MYBPC1: variants seen among roughly 807,000 people sequenced by gnomAD.
MYBPC1 encodes myosin-binding protein C, slow-type.
MYBPC1 carries 52 observed loss-of-function variants against 147.1 expected under a neutral mutation model. That is an observed-to-expected ratio of 0.35 (90% CI 0.28 to 0.45). The LOEUF (loss-of-function observed/expected upper bound fraction) is 0.45, where lower values mean the gene tolerates loss of function less well. MYBPC1 is among the 20% of genes least tolerant of loss of function. The pLI, the probability that MYBPC1 is intolerant of heterozygous loss-of-function variation, is 1.00. For synonymous variants in MYBPC1, 477 were observed against 475.9 expected, an observed-to-expected ratio of 1.00 and a Z score of -0.03; for missense variants, 1,228 against 1,440.3, an observed-to-expected ratio of 0.85 and a Z score of 2.39.
chr12:101,680,829 C>A (rs1350344453), intron 29 of MYBPC1, among the ~76,000 whole-genome samples: 1 of 152,110 alleles, frequency 6.6e-6, no homozygotes, highest in Non-Finnish European at 1.5e-5. Context: ...GTGTGTACAG[C>A]ATGGTAAGAA....
intron 31 of MYBPC1, 138 bp from the exon 32 acceptor site, chr12:101,685,444 G>A: frequency 1.5e-6 from 1 of 666,342 alleles, no homozygotes. Context: ...GATTTTCCAA[G>A]TAGAGACTGA....
chr12:101,678,050 T>A lies in MYBPC1; in HGVS notation c.3110-52T>A, dbSNP rs370302106. The A allele has an allele frequency of 2.2e-5, 35 of 1,582,680 alleles. No homozygotes were observed. The African/African-American group carries it at 4.6e-4, about 21-fold the overall frequency. ...TGTAAAGTATGCCACCAATAATATA[T>A]TCTCAGGCCAATTTACATAATTTTA... is the stretch of plus-strand genomic sequence containing the variant. On this transcript the variant is annotated intron_variant, in intron 27 of 31. Transcript: ENST00000361466.
chr12:101,595,661 A>G (rs1224847467), intron 1 of MYBPC1, among the ~76,000 whole-genome samples: 2 of 152,090 alleles, frequency 1.3e-5, no homozygotes, highest in East Asian at 3.8e-4. Flanking sequence ...TCTTGCATGG[A>G]AAGAAAACCA....
chr12:101,634,483 C>A, intron 8 of MYBPC1, 71 bp from the exon 9 acceptor site: 3 of 1,228,134 alleles, frequency 2.4e-6, no homozygotes, highest in Non-Finnish European at 3.6e-6. Flanking sequence ...ATCCCCACAG[C>A]CTATAAAGGA....
chr12:101,671,310 TACACAC>T (rs5800480), intron 24 of MYBPC1, among the ~76,000 whole-genome samples: 7,175 of 105,392 alleles, frequency 0.068, 336 homozygotes, highest in African/African-American at 0.13. Flanking sequence ...GACACTCATA[TACACAC>T]ACACACACAC....
the MYBPC1 span, among the ~76,000 whole-genome samples, chr12:101,693,906 A>G: frequency 6.6e-6 from 1 of 152,200 alleles, no homozygotes; most frequent in Non-Finnish European, 1.5e-5. Flanking sequence ...ACCTTTGATC[A>G]TGGCCTTCAG....
intron 6 of MYBPC1, among the ~76,000 whole-genome samples, chr12:101,629,925 A>T (rs1889537840): frequency 6.6e-6 from 1 of 152,186 alleles, no homozygotes; most frequent in African/African-American, 2.4e-5. Flanking sequence ...AACCATTTTA[A>T]AGTGAACAAT....
At chr12:101,630,182 T>C (rs1390432438) in intron 6 of MYBPC1, among the ~76,000 whole-genome samples, 1 of 152,232 alleles carries the variant, frequency 6.6e-6, no homozygotes, top group African/African-American at 2.4e-5. Context: ...CTTAGCATAA[T>C]GTTTCCAAAG....
rs113052610 is a variant in MYBPC1, at chr12:101,617,199, C to T, written c.62-3C>T. The T allele has an allele frequency of 6.2e-7, 1 of 1,613,558 alleles. No homozygotes were observed. The highest frequency in any genetic ancestry group is 1.3e-5 in the African/African-American group (1 of 74,862). On this transcript the variant is annotated splice_region_variant and splice_polypyrimidine_tract_variant and intron_variant, in intron 2 of 31. Transcript: ENST00000361466. Reference sequence around the variant, plus strand: ...AAAAAATATGCTTGTACTTTCTACACAGAACCAAGTAAAGAGAAGGAGGCC... The same window carrying T: ...AAAAAATATGCTTGTACTTTCTACATAGAACCAAGTAAAGAGAAGGAGGCC...
rs1347987380 is a variant in MYBPC1, at chr12:101,632,116, T to C, written c.534T>C (p.Cys178=). 6.2e-7 allele frequency: 1 copy of C among 1,612,840 alleles called. No individual in the cohort carries two copies. The highest frequency in any genetic ancestry group is 1.3e-5 in the African/African-American group (1 of 75,022). Residue 178 remains cysteine, a synonymous_variant, in exon 8 of 32, where the codon TGT becomes TGC. Coordinates refer to ENST00000361466, the MANE Select transcript of MYBPC1 (RefSeq NM_002465.4). The part of the protein sequence containing the change: ...EVTYKDKFDS[C]SFDLEVHEST... ...CCTATAAGGATAAGTTTGACAGCTGTTCATTTGATCTTGAAGTGCACGGTA... is the reference window on the plus strand; with the variant it reads ...CCTATAAGGATAAGTTTGACAGCTGCTCATTTGATCTTGAAGTGCACGGTA...
At chr12:101,683,901 A>T (rs1951186773) in intron 30 of MYBPC1, among the ~76,000 whole-genome samples, 1 of 152,214 alleles carries the variant, frequency 6.6e-6, no homozygotes, top group Non-Finnish European at 1.5e-5. Flanking sequence ...CATGCAGAAT[A>T]CAATATTATA....
chr12:101,667,448 C>CTAT (rs1213168782), intron 22 of MYBPC1, among the ~76,000 whole-genome samples: 3 of 152,202 alleles, frequency 2.0e-5, no homozygotes, highest in Non-Finnish European at 4.4e-5. Flanking sequence ...TGGACAGTTA[C>CTAT]TATTATTCAG....
intron 29 of MYBPC1, among the ~76,000 whole-genome samples, chr12:101,680,811 A>G (rs2136884358): frequency 6.6e-6 from 1 of 152,288 alleles, no homozygotes; most frequent in East Asian, 1.9e-4. Flanking sequence ...TTTCAGTGGA[A>G]TGTTAGTGTG....
chr12:101,631,660 C>G lies in MYBPC1; in HGVS notation c.379C>G (p.Leu127Val). 1 of 1,614,194 alleles carries G rather than the reference C, an allele frequency of 6.2e-7. No homozygotes were observed. The highest frequency in any genetic ancestry group is 8.5e-7 in the Non-Finnish European group (1 of 1,180,050). ...IKWFKGKWMD[L>V]ASKAGKHLQL... ...ATGGTTCAAAGGAAAATGGATGGAC[C>G]TGGCCAGCAAAGCCGGGAAGCACCT... The change falls in exon 7 of 32, where the codon CTG (leucine) becomes GTG (valine). Residue 127 changes from leucine to valine, a missense_variant. Physicochemically the swap from Leu to Val is conservative, Grantham distance 32 (BLOSUM62 1). Transcript: ENST00000361466.
chr12:101,690,941 T>C (rs577387202), downstream of MYBPC1, among the ~76,000 whole-genome samples: 8 of 152,326 alleles, frequency 5.3e-5, no homozygotes, highest in African/African-American at 1.9e-4. Context: ...GCAAGTATTA[T>C]ACCATAAAAC....
intron 15 of MYBPC1, 118 bp downstream of exon 15, chr12:101,649,544 A>G (rs1893958564): frequency 2.5e-6 from 3 of 1,208,328 alleles, no homozygotes; most frequent in Non-Finnish European, 2.4e-6. Context: ...AGTATGTAAA[A>G]TGGATTTCAT....
In MYBPC1 at chr12:101,636,985, A is replaced by G. The variant is rs1365436432; in HGVS notation, c.665+257A>G. On this transcript the variant is annotated intron_variant, in intron 10 of 31. Transcript: ENST00000361466. ...TTCACCTATTTTTTTTTAAATGGGGACGAAGAGATATGAAAACTGAGACAT... is the reference window on the plus strand; with the variant it reads ...TTCACCTATTTTTTTTTAAATGGGGGCGAAGAGATATGAAAACTGAGACAT... 1.5e-5 allele frequency: 3 copies of G among 196,670 alleles called. No individual in the cohort carries two copies. The African/African-American group carries it at 3.0e-4, about 20-fold the overall frequency. 12.2% of individuals were successfully genotyped at this position (196,670 alleles called of 1,614,324 possible).
intron 28 of MYBPC1, among the ~76,000 whole-genome samples, chr12:101,678,910 C>T (rs560146259): frequency 5.3e-5 from 8 of 152,170 alleles, no homozygotes; most frequent in African/African-American, 1.9e-4. Context: ...GCCTGTAATC[C>T]GAACACTTTG....
At position 101,617,123 on chromosome 12, in the gene MYBPC1, C is replaced by A; in HGVS notation, c.62-79C>A. ...TCTGCTGTCATTTATTTCTTCCCTC[C>A]CCCTCTCCACCCCGTTGCTCATCAC... On this transcript the variant is annotated intron_variant, in intron 2 of 31. Transcript: ENST00000361466. 7 of 1,326,696 alleles carry A rather than the reference C, an allele frequency of 5.3e-6. No homozygotes were observed. In the South Asian group the frequency reaches 6.0e-5, roughly 11 times the overall value. 82.2% of individuals were successfully genotyped at this position (1,326,696 alleles called of 1,614,324 possible). A position where few individuals can be genotyped will look rare whatever the true frequency, so the allele number is the denominator to read the frequency against.
Sources: allele counts gnomAD v4.1 joint callset (sites outside exome capture counted in the v4.1 genomes callset), GRCh38; gene constraint gnomAD v4.1.1; transcripts MANE v1.5; gene names NCBI Gene and HGNC (gene_info 2026-07-23, HGNC 2026-07-21).